Variants in LRBA observed in about 807,000 individuals in gnomAD.
LRBA encodes the protein LPS responsive beige-like anchor protein, also known as lipopolysaccharide-responsive and beige-like anchor protein.
LRBA carries 176 observed loss-of-function variants against 330.0 expected under a neutral mutation model. The observed-to-expected ratio is 0.53, with a 90% confidence interval of 0.47 to 0.60. The LOEUF is 0.60. LRBA is among the 20% of genes least tolerant of loss of function. LRBA has a pLI of 0.00. For missense variants in LRBA, 3,259 were observed against 3,444.8 expected (o/e 0.95, Z 1.35); for synonymous variants, 1,230 against 1,193.0 (o/e 1.03, Z -0.64).
intron 40 of LRBA, among the ~76,000 whole-genome samples, chr4:150,508,633 T>A (rs75234516): frequency 0.15 from 22,899 of 152,122 alleles, 1,741 homozygotes; most frequent in Middle Eastern, 0.18. Flanking sequence ...ATAAAGAGGG[T>A]CATTTTATAA....
intron 37 of LRBA, among the ~76,000 whole-genome samples, chr4:150,646,891 AT>A (rs1230272025): frequency 6.6e-6 from 1 of 152,124 alleles, no homozygotes. Flanking sequence ...TATAATACAA[AT>A]ATTCCAAAAT....
intron 2 of LRBA, among the ~76,000 whole-genome samples, chr4:151,009,027 A>ATAT (rs1491517032): frequency 2.2e-4 from 3 of 13,480 alleles, no homozygotes; most frequent in African/African-American, 9.8e-4. Flanking sequence ...ATATATATAT[A>ATAT]AAATGGTATT....
intron 40 of LRBA, among the ~76,000 whole-genome samples, chr4:150,552,474 A>C (rs1242993261): frequency 1.3e-5 from 2 of 152,100 alleles, no homozygotes; most frequent in African/African-American, 4.8e-5. Context: ...TTAGAATGGC[A>C]ATCATTAAAA....
rs974059554 is a variant in LRBA at position 150,282,640 on chromosome 4, G to A, written c.8126C>T (p.Pro2709Leu). The change falls in exon 55 of 57, where the codon CCA becomes CTA. Residue 2709 changes from proline (P) to leucine (L), a missense_variant. Pro to Leu is a moderately conservative substitution (Grantham distance 98). Coordinates refer to ENST00000651943, the MANE Select transcript of LRBA (RefSeq NM_001364905.1). ...GLVLSGSQEGPCLIHSMNGDL... is the reference protein window; with the variant it reads ...GLVLSGSQEGLCLIHSMNGDL... ...TCCATTCATGGAATGTATGAGACAT[G>A]GTCCTTCTGAGAAGAGAGGAGAAAT... The A allele has an allele frequency of 6.3e-7, 1 of 1,594,684 alleles. No homozygotes were observed. Among genetic ancestry groups the A allele is most frequent in the Non-Finnish European group, 8.5e-7 (1 of 1,169,670 alleles).
At chr4:150,643,765 C>T (rs926267286) in intron 37 of LRBA, among the ~76,000 whole-genome samples, 13 of 151,726 alleles carry the variant, frequency 8.6e-5, no homozygotes, top group Non-Finnish European at 1.9e-4. Flanking sequence ...AGCCTATGAG[C>T]TAAGAATGGA....
intron 34 of LRBA, among the ~76,000 whole-genome samples, chr4:150,788,347 C>T (rs1217154999): frequency 6.7e-6 from 1 of 150,182 alleles, no homozygotes; most frequent in African/African-American, 2.5e-5. Context: ...ATCCATCCAC[C>T]TACTCCTCCC....
At chr4:151,013,874 T>C (rs941727078) in intron 2 of LRBA, 5 of 152,686 alleles carry the variant, frequency 3.3e-5, no homozygotes, top group African/African-American at 1.2e-4. Context: ...TTACTTTAAA[T>C]GCAATCCTAA....
At chr4:150,810,275 A>T (rs1743529737) in intron 31 of LRBA, among the ~76,000 whole-genome samples, 1 of 152,212 alleles carries the variant, frequency 6.6e-6, no homozygotes. Context: ...AAAGCAGGCA[A>T]TGCAGCAATC....
At chr4:150,990,710 T>G (rs1741976217) in intron 2 of LRBA, among the ~76,000 whole-genome samples, 1 of 152,118 alleles carries the variant, frequency 6.6e-6, no homozygotes, top group South Asian at 2.1e-4. Context: ...TACTTCAGCC[T>G]GGGTGACAGA....
chr4:150,716,088 T>C (rs754415165), intron 36 of LRBA, among the ~76,000 whole-genome samples: 5 of 152,182 alleles, frequency 3.3e-5, no homozygotes, highest in Non-Finnish European at 7.3e-5. Flanking sequence ...ACCAGTTTCC[T>C]TCATCAACAA....
At chr4:150,390,707 G>A (rs2151907620) in intron 47 of LRBA, among the ~76,000 whole-genome samples, 1 of 152,130 alleles carries the variant, frequency 6.6e-6, no homozygotes, top group East Asian at 1.9e-4. Flanking sequence ...TCTTTCCATT[G>A]CTGAGTAATC....
chr4:150,300,833 GTAATTA>G (rs1729579171), intron 53 of LRBA, among the ~76,000 whole-genome samples: 1 of 152,012 alleles, frequency 6.6e-6, no homozygotes, highest in Non-Finnish European at 1.5e-5. Flanking sequence ...AAATGCAATA[GTAATTA>G]CATACAAGTG....
chr4:150,556,924 C>T (rs938334265), intron 40 of LRBA, among the ~76,000 whole-genome samples: 23 of 152,022 alleles, frequency 1.5e-4, no homozygotes, highest in Non-Finnish European at 1.0e-4. Flanking sequence ...AACAAGATGT[C>T]GCAAAAATAG....
intron 40 of LRBA, among the ~76,000 whole-genome samples, chr4:150,587,629 G>C (rs1772279434): frequency 6.6e-6 from 1 of 152,200 alleles, no homozygotes; most frequent in Non-Finnish European, 1.5e-5. Context: ...GCACGACAGA[G>C]TAGTAAGTCA....
At chr4:150,453,296 C>CAA (rs2152034056) in intron 44 of LRBA, among the ~76,000 whole-genome samples, 1 of 152,270 alleles carries the variant, frequency 6.6e-6, no homozygotes, top group South Asian at 2.1e-4. Context: ...CCACAGTACT[C>CAA]AAGACTGTGA....
chr4:151,008,867 G>A (rs1378959778), intron 2 of LRBA, among the ~76,000 whole-genome samples: 3 of 148,772 alleles, frequency 2.0e-5, no homozygotes, highest in African/African-American at 5.0e-5. Context: ...CAGTTACTCA[G>A]GAGGCTGAGA....
intron 40 of LRBA, among the ~76,000 whole-genome samples, chr4:150,504,832 T>C (rs1374353237): frequency 1.3e-5 from 2 of 151,940 alleles, no homozygotes; most frequent in Non-Finnish European, 2.9e-5. Context: ...AGGAGACCCA[T>C]CTCACATGCA....
chr4:150,564,161 C>G (rs897480001), intron 40 of LRBA, among the ~76,000 whole-genome samples: 2 of 152,128 alleles, frequency 1.3e-5, no homozygotes, highest in Non-Finnish European at 2.9e-5. Flanking sequence ...GTAACCAAAA[C>G]AGCATGGTAC....
intron 16 of LRBA, among the ~76,000 whole-genome samples, chr4:150,896,108 T>C (rs1401872041): frequency 2.6e-5 from 4 of 152,238 alleles, no homozygotes; most frequent in African/African-American, 7.2e-5. Context: ...TTTGTTACAC[T>C]GGTTTCTGGA....
Sources: gnomAD v4.1 joint callset for allele counts (sites outside exome capture counted in the v4.1 genomes callset) on GRCh38, gnomAD v4.1.1 for gene constraint, MANE v1.5 for transcripts, NCBI Gene and HGNC (gene_info 2026-07-23, HGNC 2026-07-21) for gene names.